Variants in PVT1 observed in about 807,000 individuals in gnomAD.
PVT1 encodes the protein CXCR4/PVT1 fusion.
At chr8:127,847,227 T>TTGGCCACCGCACC (rs6150804) in intron 2 of PVT1, among the ~76,000 whole-genome samples, 10 of 151,508 alleles carry the variant, frequency 6.6e-5, no homozygotes, top group African/African-American at 1.9e-4. Context: ...AGTCGAACTC[T>TTGGCCACCGCACC]TGGCCCCAAA....
chr8:128,041,610 G>GGTGT (rs58542209), intron 4 of PVT1, among the ~76,000 whole-genome samples: 2,337 of 88,886 alleles, frequency 0.026, 69 homozygotes, highest in African/African-American at 0.072. Flanking sequence ...ACATGTGTTT[G>GGTGT]GTGTGTGTGT....
intron 3 of PVT1, among the ~76,000 whole-genome samples, chr8:127,987,382 C>A (rs1816981973): frequency 6.6e-6 from 1 of 152,064 alleles, no homozygotes; most frequent in African/African-American, 2.4e-5. Context: ...CAGGCTTTGG[C>A]CCAATCTCAT....
chr8:127,971,489 A>G (rs189446455), intron 3 of PVT1, among the ~76,000 whole-genome samples: 106 of 152,358 alleles, frequency 7.0e-4, no homozygotes, highest in African/African-American at 2.5e-3. Flanking sequence ...CCCATGCAAT[A>G]GCTCCAGCCC....
intron 2 of PVT1, chr8:127,803,125 C>CTTT (rs57755504): frequency 0.19 from 19,743 of 105,046 alleles, 2,248 homozygotes; most frequent in South Asian, 0.27. Flanking sequence ...TTCTTTCTTT[C>CTTT]TTTTTTTTTT....
At position 128,041,231 on chromosome 8, in the gene PVT1, GTGTGTGT is replaced by G. The variant is rs1324396260; in HGVS notation, n.913-28925_913-28919del. ...CATGTGTGTTTGTGTGTGTGCATGT[GTGTGTGT>G]TGTTTGTGTGTGTGTTTGTGCATGT... is the stretch of plus-strand genomic sequence containing the variant. On this transcript the variant is annotated intron_variant and non_coding_transcript_variant, in intron 4 of 10. Coordinates refer to ENST00000651587, the Ensembl canonical transcript of PVT1. Among the ~76,000 whole-genome samples, 25 of 87,574 alleles carry G rather than the reference GTGTGTGT, an allele frequency of 2.9e-4. 1 individual carries two copies. Among genetic ancestry groups the G allele is most frequent in the South Asian group, 1.1e-3 (2 of 1,756 alleles). 57.5% of individuals were successfully genotyped at this position (87,574 alleles called of 152,430 possible).
chr8:128,056,946 T>C (rs1813769606), intron 4 of PVT1, among the ~76,000 whole-genome samples: 1 of 152,182 alleles, frequency 6.6e-6, no homozygotes, highest in South Asian at 2.1e-4. Flanking sequence ...TGCACAACCA[T>C]GATCTCAGAG....
chr8:127,860,958 A>C (rs1217507400), intron 2 of PVT1, among the ~76,000 whole-genome samples: 4 of 152,072 alleles, frequency 2.6e-5, no homozygotes, highest in Non-Finnish European at 5.9e-5. Flanking sequence ...CCCATGGTAG[A>C]GGCGTGAACT....
At chr8:127,801,178 G>A (rs1814461550) in intron 2 of PVT1, among the ~76,000 whole-genome samples, 1 of 152,188 alleles carries the variant, frequency 6.6e-6, no homozygotes, top group South Asian at 2.1e-4. Flanking sequence ...AGAGCCTGCA[G>A]GGCATTCCAA....
chr8:128,036,027 G>A (rs1288926775), intron 4 of PVT1, among the ~76,000 whole-genome samples: 1 of 152,222 alleles, frequency 6.6e-6, no homozygotes, highest in African/African-American at 2.4e-5. Context: ...TGTTACAGCA[G>A]CGAGAGGAAC....
chr8:128,098,812 G>C (rs1814461177), intron 6 of PVT1, among the ~76,000 whole-genome samples: 1 of 152,096 alleles, frequency 6.6e-6, no homozygotes, highest in Non-Finnish European at 1.5e-5. Flanking sequence ...AGTGCCTTCT[G>C]CCCAGGCCTC....
intron 4 of PVT1, among the ~76,000 whole-genome samples, chr8:128,039,758 T>C (rs1432362007): frequency 1.3e-5 from 2 of 152,150 alleles, no homozygotes; most frequent in Admixed American, 1.3e-4. Context: ...GGACTGGAAG[T>C]GGCAAAGATG....
intron 3 of PVT1, among the ~76,000 whole-genome samples, chr8:127,949,434 T>C (rs1816469067): frequency 6.6e-6 from 1 of 151,254 alleles, no homozygotes. Context: ...TATCTGTCTG[T>C]CTCCCTCTCT....
At chr8:128,043,190 CAA>C (rs1043031915) in intron 4 of PVT1, among the ~76,000 whole-genome samples, 27 of 152,088 alleles carry the variant, frequency 1.8e-4, no homozygotes, top group Non-Finnish European at 3.2e-4. Flanking sequence ...TCAGTGCTGC[CAA>C]ATTAATTTTT....
intron 2 of PVT1, among the ~76,000 whole-genome samples, chr8:127,875,367 C>CTCTCTG (rs1554593475): frequency 1.9e-5 from 2 of 107,628 alleles, no homozygotes; most frequent in Non-Finnish European, 3.6e-5. Flanking sequence ...GTCTCTGTCT[C>CTCTCTG]TCTCTCTCTC....
intron 4 of PVT1, among the ~76,000 whole-genome samples, chr8:128,014,282 A>G (rs944309889): frequency 1.3e-5 from 2 of 152,212 alleles, no homozygotes; most frequent in Non-Finnish European, 2.9e-5. Flanking sequence ...CCTCATCTCT[A>G]CAAGGGGGGT....
chr8:128,040,095 G>A (rs771774549), intron 4 of PVT1, among the ~76,000 whole-genome samples: 10 of 152,180 alleles, frequency 6.6e-5, no homozygotes, highest in Non-Finnish European at 1.3e-4. Context: ...ACAGTAAGGA[G>A]GCAGCTGCAT....
intron 2 of PVT1, among the ~76,000 whole-genome samples, chr8:127,809,926 A>G (rs1563611078): frequency 1.3e-5 from 2 of 152,212 alleles, no homozygotes; most frequent in African/African-American, 4.8e-5. Context: ...TCACAAAACA[A>G]AAGAGTTCAT....
chr8:128,050,501 A>G (rs112478771), intron 4 of PVT1, among the ~76,000 whole-genome samples: 6 of 152,280 alleles, frequency 3.9e-5, no homozygotes, highest in African/African-American at 1.2e-4. Context: ...AACAGGTCTC[A>G]CTTCTTGTCT....
chr8:127,993,996 T>G (rs973001730), intron 4 of PVT1, among the ~76,000 whole-genome samples: 9 of 152,176 alleles, frequency 5.9e-5, no homozygotes, highest in African/African-American at 2.2e-4. Flanking sequence ...GCAATTGCAT[T>G]GCTTGAGATC....
Sources: allele counts gnomAD v4.1 joint callset (sites outside exome capture counted in the v4.1 genomes callset), GRCh38; gene constraint gnomAD v4.1.1; transcripts MANE v1.5; gene names NCBI Gene and HGNC (gene_info 2026-07-23, HGNC 2026-07-21).